DESI2: variants seen among roughly 807,000 people sequenced by gnomAD.
The protein encoded by DESI2 is desumoylating isopeptidase 2, also known as deubiquitinase DESI2.
Under a neutral mutation model 24.1 loss-of-function variants are expected in DESI2, and 10 were observed. That is an observed-to-expected ratio of 0.41 (90% CI 0.26 to 0.70). The LOEUF is 0.70. DESI2 is among the 30% of genes least tolerant of loss of function. The pLI is 0.29. For missense variants in DESI2, 122 were observed against 234.9 expected (o/e 0.52, Z 3.14); for synonymous variants, 71 against 87.7 (o/e 0.81, Z 1.06).
intron 1 of DESI2, among the ~76,000 whole-genome samples, chr1:244,655,882 T>A (rs1350611906): frequency 6.6e-6 from 1 of 152,184 alleles, no homozygotes; most frequent in African/African-American, 2.4e-5. Flanking sequence ...TCAGATGTGT[T>A]GTGGGCTTGG....
At chr1:244,655,245 A>G (rs952381968) in intron 1 of DESI2, among the ~76,000 whole-genome samples, 2 of 152,246 alleles carry the variant, frequency 1.3e-5, no homozygotes, top group Non-Finnish European at 2.9e-5. Context: ...GGGAGAGAGT[A>G]AGTGATCTGC....
At chr1:244,695,200 T>A (rs927828113) in intron 4 of DESI2, among the ~76,000 whole-genome samples, 1 of 152,126 alleles carries the variant, frequency 6.6e-6, no homozygotes, top group Non-Finnish European at 1.5e-5. Flanking sequence ...TTGGAAACAG[T>A]GGAACTCTTT....
intron 4 of DESI2, among the ~76,000 whole-genome samples, chr1:244,704,432 T>A (rs368370331): frequency 3.9e-5 from 6 of 152,308 alleles, no homozygotes; most frequent in Admixed American, 6.5e-5. Context: ...TTCTTACTAT[T>A]TGAAATAGGA....
At position 244,708,362 on chromosome 1, in the gene DESI2, T is replaced by C. The variant is rs923209132; in HGVS notation, c.*2573T>C. 32 of 152,676 alleles carry C rather than the reference T, an allele frequency of 2.1e-4. No individual in the cohort carries two copies. The highest frequency in any genetic ancestry group is 7.0e-4 in the African/African-American group (29 of 41,474). 9.5% of individuals were successfully genotyped at this position (152,676 alleles called of 1,614,324 possible). A position where few individuals can be genotyped will look rare whatever the true frequency, so the allele number is the denominator to read the frequency against. The stretch of plus-strand genomic sequence containing the variant: ...GCATCAGCTTTGGAAAGTGTGACTC[T>C]GTAGGAGTGTAGAAGGCAGTGGTGT... On this transcript the variant is annotated 3_prime_UTR_variant, in exon 5 of 5. Transcript: ENST00000302550.
At chr1:244,660,813 A>C (rs10927292) in intron 1 of DESI2, among the ~76,000 whole-genome samples, 59,951 of 152,086 alleles carry the variant, frequency 0.39, 13,324 homozygotes, top group Middle Eastern at 0.51. Context: ...ATCCTTAATC[A>C]TAATACTAAA....
In DESI2 at chr1:244,705,675, T is replaced by TGC; in HGVS notation, c.471_472insGC (p.Ser158AlafsTer66). 1 of 1,614,162 alleles carries TGC rather than the reference T, an allele frequency of 6.2e-7. No individual in the cohort carries two copies. Among genetic ancestry groups the TGC allele is most frequent in the Non-Finnish European group, 8.5e-7 (1 of 1,180,020 alleles). On this transcript the variant is annotated frameshift_variant, in exon 5 of 5. Coordinates refer to ENST00000302550, the MANE Select transcript of DESI2 (RefSeq NM_016076.5). LOFTEE classifies it high-confidence loss of function. ...GGCTCACGCCCGCAGCCCTGCAGTC[T>TGC]AGTGTCAGCCAAGAACTCCAGGATG...
At chr1:244,687,290 C>T (rs1441628357) in intron 2 of DESI2, among the ~76,000 whole-genome samples, 1 of 152,162 alleles carries the variant, frequency 6.6e-6, no homozygotes, top group Non-Finnish European at 1.5e-5. Context: ...AGGAGTCACT[C>T]AAACCAAGCA....
At chr1:244,700,926 T>C (rs934454819) in intron 4 of DESI2, among the ~76,000 whole-genome samples, 1 of 152,218 alleles carries the variant, frequency 6.6e-6, no homozygotes, top group Non-Finnish European at 1.5e-5. Context: ...ACAGTAAAAT[T>C]CATGTGTTTT....
chr1:244,699,502 A>G (rs981668713), intron 4 of DESI2, among the ~76,000 whole-genome samples: 2 of 142,424 alleles, frequency 1.4e-5, no homozygotes, highest in African/African-American at 5.2e-5. Flanking sequence ...GAATTCCTTG[A>G]ATACAGGAGG....
At chr1:244,705,498 A>T in intron 4 of DESI2, 58 bp from the exon 5 acceptor site, 1 of 1,415,796 alleles carries the variant, frequency 7.1e-7, no homozygotes, top group Non-Finnish European at 1.0e-6. Flanking sequence ...ACTCCCTGGC[A>T]GTGGACCAGG....
intron 1 of DESI2, among the ~76,000 whole-genome samples, chr1:244,683,407 G>C (rs535040489): frequency 6.6e-6 from 1 of 151,962 alleles, no homozygotes; most frequent in Admixed American, 6.6e-5. Flanking sequence ...CGCCTCCCAG[G>C]TTCATGCCAT....
intron 4 of DESI2, chr1:244,694,792 C>G (rs1677153690): frequency 7.3e-6 from 4 of 550,092 alleles, no homozygotes; most frequent in East Asian, 6.0e-5. Context: ...ATTTGTTTAC[C>G]TGTTTCCTTG....
intron 4 of DESI2, among the ~76,000 whole-genome samples, chr1:244,703,702 C>T (rs556595018): frequency 1.4e-4 from 21 of 150,788 alleles, no homozygotes; most frequent in African/African-American, 4.1e-4. Flanking sequence ...TCTGTTGCCC[C>T]GGCTGGAGTG....
chr1:244,659,032 CTTTTTTT>C (rs10553169), intron 1 of DESI2, among the ~76,000 whole-genome samples: 2 of 147,228 alleles, frequency 1.4e-5, no homozygotes, highest in African/African-American at 2.5e-5. Context: ...GGTCATCCAT[CTTTTTTT>C]TTTTTTTTAA....
chr1:244,707,634 G>A lies in DESI2; in HGVS notation c.*1845G>A, dbSNP rs891769588. The A allele has an allele frequency of 7.2e-5, 11 of 152,202 alleles. No individual in the cohort carries two copies. The highest frequency in any genetic ancestry group is 2.4e-4 in the African/African-American group (10 of 41,436). The allele number at this position is 152,202 out of a possible 1,614,324, so 9.4% of individuals were successfully genotyped here. On this transcript the variant is annotated 3_prime_UTR_variant, in exon 5 of 5. Coordinates refer to ENST00000302550, the MANE Select transcript of DESI2 (RefSeq NM_016076.5). ...ACAAAGCCTTGGATACAGTTTGCTT[G>A]TAATATTTTTAATAATGTGAGGAGT...
Position 244,689,789 on chromosome 1 carries a change from C to T in DESI2, c.209+447C>T, listed in dbSNP as rs1427118896. On this transcript the variant is annotated intron_variant, in intron 3 of 4. Transcript: ENST00000302550. This position sits in a 1 kb window ranked among gnomAD's most constrained non-coding sequence, Gnocchi z 4.0. Reference sequence around the variant, plus strand: ...CCTCCCAAAGTGCTGGGATTACAGGCGTGAGCCACCACGCCCAGCCCAGGA... The same window carrying T: ...CCTCCCAAAGTGCTGGGATTACAGGTGTGAGCCACCACGCCCAGCCCAGGA... 2.0e-5 allele frequency among the ~76,000 whole-genome samples: 3 copies of T among 152,182 alleles called. No homozygotes were observed. The highest frequency in any genetic ancestry group is 4.4e-5 in the Non-Finnish European group (3 of 68,026).
At chr1:244,693,527 G>C (rs1169080134) in intron 4 of DESI2, among the ~76,000 whole-genome samples, 1 of 152,030 alleles carries the variant, frequency 6.6e-6, no homozygotes, top group African/African-American at 2.4e-5. Flanking sequence ...TGCCTCCCAG[G>C]TTCAAGCGAT....
chr1:244,691,769 G>T, intron 3 of DESI2, 110 bp from the exon 4 acceptor site: 2 of 828,094 alleles, frequency 2.4e-6, no homozygotes, highest in South Asian at 2.4e-5. Context: ...TTGTTATGTC[G>T]ATCATAATAT....
chr1:244,680,774 T>C (rs1676582690), intron 1 of DESI2, among the ~76,000 whole-genome samples: 1 of 152,204 alleles, frequency 6.6e-6, no homozygotes. Flanking sequence ...GAGGTGATAC[T>C]TTGAGACATT....
Sources: allele counts gnomAD v4.1 joint callset (sites outside exome capture counted in the v4.1 genomes callset), GRCh38; gene constraint gnomAD v4.1.1; non-coding constraint Gnocchi (gnomAD v3.1); transcripts MANE v1.5; gene names NCBI Gene and HGNC (gene_info 2026-07-23, HGNC 2026-07-21).